Variants in RIMS2 observed in about 807,000 individuals in gnomAD.
RIMS2 encodes regulating synaptic membrane exocytosis protein 2.
RIMS2 carries 59 observed loss-of-function variants against 174.4 expected under a neutral mutation model. The ratio of observed to expected loss-of-function variants is 0.34; its 90% CI spans 0.27 to 0.42. The LOEUF is 0.42. RIMS2 is among the 10% of genes least tolerant of loss of function. The pLI, the probability that RIMS2 is intolerant of heterozygous loss-of-function variation, is 1.00. For synonymous variants in RIMS2, 606 were observed against 572.5 expected (o/e 1.06, Z -0.84); for missense variants, 1,620 against 1,666.3 (o/e 0.97, Z 0.48).
chr8:103,996,545 A>G (rs2154551481), intron 17 of RIMS2, among the ~76,000 whole-genome samples: 1 of 152,112 alleles, frequency 6.6e-6, no homozygotes, highest in African/African-American at 2.4e-5. Context: ...GGAATATAAG[A>G]TCAGGAAATG....
At chr8:103,896,854 T>C (rs560863823) in intron 4 of RIMS2, among the ~76,000 whole-genome samples, 2 of 151,618 alleles carry the variant, frequency 1.3e-5, no homozygotes, top group Admixed American at 6.6e-5. Context: ...CTCACAGAGA[T>C]ATAATTCTGA....
chr8:104,002,763 G>A (rs1050106707), intron 17 of RIMS2, among the ~76,000 whole-genome samples: 5 of 152,124 alleles, frequency 3.3e-5, no homozygotes, highest in Admixed American at 6.6e-5. Context: ...GCTTTCACTG[G>A]TCTCTCTACC....
At chr8:104,072,870 A>AT (rs2097218484) in intron 19 of RIMS2, among the ~76,000 whole-genome samples, 1 of 152,156 alleles carries the variant, frequency 6.6e-6, no homozygotes. Context: ...AAGAGAGTCT[A>AT]TTTTTAATAA....
intron 3 of RIMS2, among the ~76,000 whole-genome samples, chr8:103,843,804 A>T (rs554841628): frequency 6.6e-6 from 1 of 152,196 alleles, no homozygotes; most frequent in Non-Finnish European, 1.5e-5. Flanking sequence ...TTAGAATCTT[A>T]TAAAAATTTA....
At position 104,248,787 on chromosome 8, in the gene RIMS2, GC is replaced by G; in HGVS notation, c.3565del (p.Gln1189ArgfsTer13). ...CTTGGCCCTGCTCAGCTAGTGGGAC[GC>G]CAGACTCTGGCAACACCTGCAATGG... On this transcript the variant is annotated frameshift_variant, in exon 21 of 24. Coordinates refer to ENST00000504942, the Ensembl canonical transcript of RIMS2. LOFTEE classifies it high-confidence loss of function. 6.2e-7 allele frequency: 1 copy of G among 1,605,700 alleles called. No homozygotes were observed. Among genetic ancestry groups the G allele is most frequent in the Non-Finnish European group, 8.5e-7 (1 of 1,172,400 alleles).
intron 1 of RIMS2, among the ~76,000 whole-genome samples, chr8:103,521,396 G>A (rs1831609702): frequency 6.6e-6 from 1 of 151,566 alleles, no homozygotes; most frequent in Admixed American, 6.6e-5. Flanking sequence ...TTATCTGTAT[G>A]CATCATATGT....
At chr8:103,687,274 T>G (rs1030205097) in intron 1 of RIMS2, among the ~76,000 whole-genome samples, 8 of 152,126 alleles carry the variant, frequency 5.3e-5, no homozygotes, top group African/African-American at 1.9e-4. Flanking sequence ...AGATTAATAG[T>G]GAGTTCTGTT....
intron 2 of RIMS2, among the ~76,000 whole-genome samples, chr8:103,719,895 T>C (rs1398657518): frequency 6.6e-6 from 1 of 152,196 alleles, no homozygotes; most frequent in African/African-American, 2.4e-5. Flanking sequence ...CATGTGTTTA[T>C]AGAAAGGCAA....
intron 2 of RIMS2, among the ~76,000 whole-genome samples, chr8:103,744,478 A>T (rs941536874): frequency 3.1e-4 from 47 of 152,108 alleles, no homozygotes; most frequent in African/African-American, 9.2e-4. Flanking sequence ...TATTTTTTTT[A>T]AATTTAATTT....
At chr8:104,116,822 G>A (rs2098284768) in intron 19 of RIMS2, among the ~76,000 whole-genome samples, 2 of 152,034 alleles carry the variant, frequency 1.3e-5, no homozygotes, top group South Asian at 4.1e-4. Context: ...TCTAACTTAA[G>A]TATAAATGGT....
intron 19 of RIMS2, among the ~76,000 whole-genome samples, chr8:104,029,095 G>A (rs1468864271): frequency 6.6e-6 from 1 of 152,152 alleles, no homozygotes; most frequent in Non-Finnish European, 1.5e-5. Flanking sequence ...ACATTGCCAT[G>A]CCATTTGTAA....
chr8:103,655,144 C>A (rs13279952), intron 1 of RIMS2, among the ~76,000 whole-genome samples: 26,861 of 151,642 alleles, frequency 0.18, 2,584 homozygotes, highest in African/African-American at 0.24. Context: ...TTGACTTTTC[C>A]TGAGATTTGA....
chr8:103,651,091 G>T (rs991863517), intron 1 of RIMS2, among the ~76,000 whole-genome samples: 20 of 152,204 alleles, frequency 1.3e-4, no homozygotes, highest in African/African-American at 4.1e-4. Flanking sequence ...CAGTGTATTG[G>T]ACCCAGGACC....
intron 19 of RIMS2, among the ~76,000 whole-genome samples, chr8:104,072,885 A>G (rs1387792636): frequency 6.6e-6 from 1 of 152,208 alleles, no homozygotes; most frequent in African/African-American, 2.4e-5. Context: ...TAATAAGAGC[A>G]GCAAAGGCAT....
At chr8:103,767,002 A>G (rs1417412586) in intron 3 of RIMS2, among the ~76,000 whole-genome samples, 1 of 152,140 alleles carries the variant, frequency 6.6e-6, no homozygotes, top group African/African-American at 2.4e-5. Context: ...CAGATCCGAC[A>G]TCAGGTTTAT....
intron 1 of RIMS2, among the ~76,000 whole-genome samples, chr8:103,581,849 G>A (rs566574363): frequency 5.9e-5 from 9 of 152,198 alleles, no homozygotes; most frequent in Non-Finnish European, 4.4e-5. Flanking sequence ...AGGCAGTGTA[G>A]GCCATAAGGA....
chr8:104,022,492 C>T (rs933283735), intron 19 of RIMS2, among the ~76,000 whole-genome samples: 3 of 152,110 alleles, frequency 2.0e-5, no homozygotes, highest in Non-Finnish European at 4.4e-5. Flanking sequence ...AGGGATTCTC[C>T]TGCCTCAGCC....
At chr8:104,241,669 C>T (rs1161210875) in intron 19 of RIMS2, among the ~76,000 whole-genome samples, 2 of 152,120 alleles carry the variant, frequency 1.3e-5, no homozygotes, top group East Asian at 1.9e-4. Context: ...TTCACAAGAG[C>T]GCTGTTCACA....
chr8:103,576,152 G>T (rs538287475), intron 1 of RIMS2, among the ~76,000 whole-genome samples: 1 of 152,200 alleles, frequency 6.6e-6, no homozygotes, highest in African/African-American at 2.4e-5. Context: ...TCCCTAGCCA[G>T]CCTTCCCACA....
Sources: gnomAD v4.1 joint callset for allele counts (sites outside exome capture counted in the v4.1 genomes callset) on GRCh38, gnomAD v4.1.1 for gene constraint, MANE v1.5 for transcripts, NCBI Gene and HGNC (gene_info 2026-07-23, HGNC 2026-07-21) for gene names.